NUDCD1: variants seen among roughly 807,000 people sequenced by gnomAD.
The protein encoded by NUDCD1 is NudC domain containing 1.
A neutral mutation model predicts 67.8 loss-of-function variants in NUDCD1; 60 were observed. That is an observed-to-expected ratio of 0.88 (90% confidence interval 0.72 to 1.10). The LOEUF (loss-of-function observed/expected upper bound fraction) is 1.10. Ranked by LOEUF, NUDCD1 falls within the 50% of genes least tolerant of loss-of-function variation. The probability of loss-of-function intolerance (pLI) is 0.00; values close to 1 mark genes in which losing one functional copy is unlikely to be tolerated. For synonymous variants in NUDCD1, 244 were observed against 230.8 expected, an observed-to-expected ratio of 1.06 and a Z score of -0.52; for missense variants, 643 against 695.0, an observed-to-expected ratio of 0.93 and a Z score of 0.84.
intron 8 of NUDCD1, among the ~76,000 whole-genome samples, chr8:109,263,391 G>A (rs920040193): frequency 1.4e-4 from 21 of 152,132 alleles, no homozygotes; most frequent in African/African-American, 5.1e-4. Flanking sequence ...TATTGATGTA[G>A]GTGGGAATCC....
At chr8:109,286,907 TAAAC>T (rs1268913773) in intron 5 of NUDCD1, among the ~76,000 whole-genome samples, 2 of 151,932 alleles carry the variant, frequency 1.3e-5, no homozygotes, top group Non-Finnish European at 2.9e-5. Context: ...ATAAGGAACT[TAAAC>T]AAATGAACAA....
rs992532645 is a variant in NUDCD1, at chr8:109,328,346, T to G, written c.118+5547A>C. Among the ~76,000 whole-genome samples the G allele has an allele frequency of 5.3e-5, 8 of 152,272 alleles. No homozygotes were observed. In the East Asian group the frequency reaches 1.5e-3, roughly 29 times the overall value. On this transcript the variant is annotated intron_variant, in intron 1 of 9. Transcript: ENST00000239690. ...TGAAGAAAGAAAAAGGCCAGAGTACTTGTATGCAGAGTTGACTTCAACCTC... is the reference window on the plus strand; with the variant it reads ...TGAAGAAAGAAAAAGGCCAGAGTACGTGTATGCAGAGTTGACTTCAACCTC...
intron 2 of NUDCD1, among the ~76,000 whole-genome samples, chr8:109,301,472 G>A (rs1393054994): frequency 6.6e-6 from 1 of 152,170 alleles, no homozygotes; most frequent in African/African-American, 2.4e-5. Flanking sequence ...CTGTTTGGTG[G>A]TCTCTTTACA....
intron 8 of NUDCD1, among the ~76,000 whole-genome samples, chr8:109,265,003 G>C (rs904574360): frequency 6.6e-6 from 1 of 151,742 alleles, no homozygotes; most frequent in South Asian, 2.1e-4. Context: ...TAAAAATTAA[G>C]TACACCAAAA....
intron 8 of NUDCD1, among the ~76,000 whole-genome samples, chr8:109,246,853 C>T (rs1703555066): frequency 6.6e-6 from 1 of 152,070 alleles, no homozygotes; most frequent in Admixed American, 6.6e-5. Flanking sequence ...GGAGACCTGA[C>T]CTGAATTCAA....
At chr8:109,320,455 T>G (rs923192034) in intron 2 of NUDCD1, among the ~76,000 whole-genome samples, 1 of 152,206 alleles carries the variant, frequency 6.6e-6, no homozygotes, top group South Asian at 2.1e-4. Context: ...TCACCTGCGG[T>G]CAGAGTTTAA....
intron 6 of NUDCD1, among the ~76,000 whole-genome samples, chr8:109,278,164 C>T (rs1814340619): frequency 6.6e-6 from 1 of 152,142 alleles, no homozygotes; most frequent in Non-Finnish European, 1.5e-5. Context: ...AACCATTTCT[C>T]ATTTCTGACC....
intron 3 of NUDCD1, among the ~76,000 whole-genome samples, chr8:109,294,725 G>A (rs1192576081): frequency 1.3e-5 from 2 of 152,030 alleles, no homozygotes; most frequent in Admixed American, 6.6e-5. Flanking sequence ...TTGATACATG[G>A]CACTTCCATG....
intron 8 of NUDCD1, among the ~76,000 whole-genome samples, chr8:109,247,613 A>G (rs1402803391): frequency 6.6e-6 from 1 of 152,196 alleles, no homozygotes; most frequent in African/African-American, 2.4e-5. Flanking sequence ...GTTAATTGTG[A>G]AACTAGCAAT....
chr8:109,259,918 T>G (rs1813826967), intron 8 of NUDCD1, among the ~76,000 whole-genome samples: 1 of 152,168 alleles, frequency 6.6e-6, no homozygotes, highest in Admixed American at 6.5e-5. Context: ...CAGCTTACTA[T>G]TCAAAAGATT....
chr8:109,242,786 CTTT>C lies in NUDCD1; in HGVS notation c.*220_*222del. The C allele has an allele frequency of 2.5e-5, 7 of 276,118 alleles. No homozygotes were observed. The highest frequency in any genetic ancestry group is 1.0e-4 in the South Asian group (1 of 9,750). The allele number at this position is 276,118 out of a possible 1,614,324, so 17.1% of individuals were successfully genotyped here. On this transcript the variant is annotated 3_prime_UTR_variant, in exon 10 of 10. Transcript: ENST00000239690. ...TATACTTGCTAGTACTATCTTCACT[CTTT>C]TTTTTTTTCAGAAGCCAATGTTCTC...
intron 1 of NUDCD1, among the ~76,000 whole-genome samples, chr8:109,326,535 G>C (rs1815686104): frequency 6.6e-6 from 1 of 151,708 alleles, no homozygotes; most frequent in South Asian, 2.1e-4. Context: ...CTTTGTAAGG[G>C]TTGAAGAAGA....
chr8:109,276,925 A>C (rs1239406101), intron 6 of NUDCD1, among the ~76,000 whole-genome samples: 1 of 152,186 alleles, frequency 6.6e-6, no homozygotes, highest in Admixed American at 6.5e-5. Flanking sequence ...GGTCTCCCAA[A>C]GTGCTAGGAT....
chr8:109,271,938 T>A (rs1203202197), intron 7 of NUDCD1, among the ~76,000 whole-genome samples: 2 of 151,956 alleles, frequency 1.3e-5, no homozygotes, highest in African/African-American at 4.8e-5. Flanking sequence ...CCAAATTATA[T>A]ACATAACAAA....
At chr8:109,300,347 A>C (rs1321154208) in intron 2 of NUDCD1, among the ~76,000 whole-genome samples, 1 of 152,186 alleles carries the variant, frequency 6.6e-6, no homozygotes, top group Non-Finnish European at 1.5e-5. Context: ...AGGAAACAAA[A>C]AAAAATGATA....
chr8:109,265,771 G>C (rs1290195949), intron 8 of NUDCD1, among the ~76,000 whole-genome samples: 1 of 152,030 alleles, frequency 6.6e-6, no homozygotes, highest in African/African-American at 2.4e-5. Flanking sequence ...GCATAATCTA[G>C]ATCCCTTGCA....
At chr8:109,254,980 T>C (rs1262963552) in intron 8 of NUDCD1, among the ~76,000 whole-genome samples, 1 of 152,154 alleles carries the variant, frequency 6.6e-6, no homozygotes, top group Non-Finnish European at 1.5e-5. Context: ...ATTTAACCTT[T>C]GCTAACTGAG....
chr8:109,284,119 A>T (rs978023144), intron 5 of NUDCD1, among the ~76,000 whole-genome samples: 6 of 152,124 alleles, frequency 3.9e-5, no homozygotes, highest in Admixed American at 3.3e-4. Flanking sequence ...CAAATGGAAA[A>T]CAGAAAGCGC....
rs80195981 is a variant in NUDCD1 at position 109,324,652 on chromosome 8, G to A, written c.119-2189C>T. Among the ~76,000 whole-genome samples, 64 of 152,278 alleles carry A rather than the reference G, an allele frequency of 4.2e-4. No homozygotes were observed. The East Asian group carries it at 8.5e-3, about 20-fold the overall frequency. The stretch of plus-strand genomic sequence containing the variant: ...CTATTTACAAAAGCCAAGACATGGG[G>A]GAAACCTAAGTGGCCAAAGGATGAA... On this transcript the variant is annotated intron_variant, in intron 1 of 9. Transcript: ENST00000239690.
Sources: gnomAD v4.1 joint callset for allele counts (sites outside exome capture counted in the v4.1 genomes callset) on GRCh38, gnomAD v4.1.1 for gene constraint, MANE v1.5 for transcripts, NCBI Gene and HGNC (gene_info 2026-07-23, HGNC 2026-07-21) for gene names.